Variants in LRBA observed in about 807,000 individuals in gnomAD.
LRBA encodes the protein LPS responsive beige-like anchor protein.
A neutral mutation model predicts 330.0 loss-of-function variants in LRBA; 176 were observed. That is an observed-to-expected ratio of 0.53 (90% CI 0.47 to 0.60). The LOEUF is 0.60. LRBA is among the 20% of genes least tolerant of loss of function. The pLI is 0.00. For synonymous variants in LRBA, 1,230 were observed against 1,193.0 expected (o/e 1.03, Z -0.64); for missense variants, 3,259 against 3,444.8 (o/e 0.95, Z 1.35).
chr4:150,735,272 GT>G lies in LRBA; in HGVS notation c.5739del (p.Arg1913SerfsTer26). On this transcript the variant is annotated frameshift_variant, in exon 36 of 57. Transcript: ENST00000651943. LOFTEE classifies it high-confidence loss of function. Reference protein sequence around the residue: ...LSRQRAEDIHRHAEFESLCAQ... With the variant: ...LSRQRAEDIHXHAEFESLCAQ... ...GTGTAACCTACCTCAAATTCCGCAT[GT>G]CTGTGAATATCTTCTGCTCTCTGCC... 1.9e-6 allele frequency: 3 copies of G among 1,612,906 alleles called. No homozygotes were observed. Among genetic ancestry groups the G allele is most frequent in the Non-Finnish European group, 2.5e-6 (3 of 1,179,016 alleles).
chr4:150,855,458 C>T (rs1445488391), intron 22 of LRBA, among the ~76,000 whole-genome samples: 1 of 151,992 alleles, frequency 6.6e-6, no homozygotes, highest in Non-Finnish European at 1.5e-5. Flanking sequence ...TAATCATTTG[C>T]TTTGATTTTA....
intron 37 of LRBA, among the ~76,000 whole-genome samples, chr4:150,601,652 A>G (rs891299252): frequency 2.6e-5 from 4 of 152,118 alleles, no homozygotes; most frequent in African/African-American, 7.2e-5. Context: ...AACTATATAT[A>G]TATATGCAGA....
At chr4:150,626,674 T>C (rs1220494563) in intron 37 of LRBA, among the ~76,000 whole-genome samples, 1 of 152,114 alleles carries the variant, frequency 6.6e-6, no homozygotes, top group Non-Finnish European at 1.5e-5. Context: ...TAAATACATA[T>C]GTAAAGAAGT....
At chr4:150,598,184 C>T (rs143698107) in intron 38 of LRBA, among the ~76,000 whole-genome samples, 1 of 152,086 alleles carries the variant, frequency 6.6e-6, no homozygotes, top group African/African-American at 2.4e-5. Context: ...AAAAGTACTT[C>T]TGACTTTATT....
At chr4:150,291,014 G>C (rs535753263) in intron 53 of LRBA, among the ~76,000 whole-genome samples, 39 of 151,428 alleles carry the variant, frequency 2.6e-4, no homozygotes, top group African/African-American at 9.0e-4. Context: ...GTGCAGGTTA[G>C]TTACATATGT....
At chr4:150,773,993 T>C (rs1560798137) in intron 34 of LRBA, among the ~76,000 whole-genome samples, 1 of 152,202 alleles carries the variant, frequency 6.6e-6, no homozygotes, top group African/African-American at 2.4e-5. Context: ...CAGGTCCCTT[T>C]GAAGAAGAGT....
chr4:150,471,610 T>C lies in LRBA; in HGVS notation c.6667+14A>G. ...TTATTGTCTAAAATAAATCAATACA[T>C]GGAATTAGGTTACCTGCTATCGTGT... On this transcript the variant is annotated intron_variant, in intron 43 of 56. Transcript: ENST00000651943. 7.4e-7 allele frequency: 1 copy of C among 1,357,362 alleles called. No individual in the cohort carries two copies. Among genetic ancestry groups the C allele is most frequent in the Non-Finnish European group, 1.0e-6 (1 of 971,180 alleles). The allele number at this position is 1,357,362 out of a possible 1,614,324, so 84.1% of individuals were successfully genotyped here. A position where few individuals can be genotyped will look rare whatever the true frequency, so the allele number is the denominator to read the frequency against.
chr4:150,424,695 A>C (rs1749322184), intron 46 of LRBA, among the ~76,000 whole-genome samples: 1 of 152,240 alleles, frequency 6.6e-6, no homozygotes, highest in Admixed American at 6.5e-5. Flanking sequence ...CCTTATGTGC[A>C]CATCTTTGGG....
intron 40 of LRBA, among the ~76,000 whole-genome samples, chr4:150,585,995 A>C (rs1457881669): frequency 1.3e-5 from 2 of 152,140 alleles, no homozygotes; most frequent in Non-Finnish European, 2.9e-5. Flanking sequence ...ATCAGTTCTG[A>C]AATCATCTCC....
intron 47 of LRBA, among the ~76,000 whole-genome samples, chr4:150,357,588 A>T (rs1003338104): frequency 1.3e-5 from 2 of 151,978 alleles, no homozygotes; most frequent in Non-Finnish European, 2.9e-5. Flanking sequence ...TCTAAAATCT[A>T]GGAATTCACA....
At chr4:150,417,305 A>T (rs1242508153) in intron 46 of LRBA, among the ~76,000 whole-genome samples, 3 of 152,138 alleles carry the variant, frequency 2.0e-5, no homozygotes, top group African/African-American at 4.8e-5. Context: ...AAATCACTAT[A>T]TAATTTTCTA....
chr4:150,489,041 A>AAGAAT (rs1373558859), intron 41 of LRBA, among the ~76,000 whole-genome samples: 14 of 109,170 alleles, frequency 1.3e-4, no homozygotes, highest in African/African-American at 4.8e-4. Flanking sequence ...TATTATATAT[A>AAGAAT]ATATATTATA....
chr4:150,411,706 G>A (rs1468094356), intron 47 of LRBA, among the ~76,000 whole-genome samples: 1 of 152,158 alleles, frequency 6.6e-6, no homozygotes. Flanking sequence ...TGCCAACAGA[G>A]GGCTGAAAAC....
chr4:150,940,553 A>G (rs531885099), intron 2 of LRBA, among the ~76,000 whole-genome samples: 1 of 152,358 alleles, frequency 6.6e-6, no homozygotes, highest in South Asian at 2.1e-4. Flanking sequence ...TATACTTTAC[A>G]CATATCTTTT....
At chr4:150,744,016 A>G (rs948108463) in intron 35 of LRBA, among the ~76,000 whole-genome samples, 1 of 152,152 alleles carries the variant, frequency 6.6e-6, no homozygotes, top group African/African-American at 2.4e-5. Context: ...CTACTTTAGA[A>G]GTTAATGCAA....
intron 56 of LRBA, among the ~76,000 whole-genome samples, chr4:150,270,197 G>A (rs900600443): frequency 3.3e-5 from 5 of 152,156 alleles, no homozygotes; most frequent in African/African-American, 7.2e-5. Context: ...ATATAACCCA[G>A]CAATTCCACT....
Position 150,975,167 on chromosome 4 carries a change from G to T in LRBA, c.216+39260C>A, listed in dbSNP as rs1166615938. On this transcript the variant is annotated intron_variant, in intron 2 of 56. Coordinates refer to ENST00000651943, the MANE Select transcript of LRBA (RefSeq NM_001364905.1). ...AAAAACAAATCTCTACTAATCAGAT[G>T]TTGGAATTACCATGGAAAGAGTTTA... 2.6e-5 allele frequency among the ~76,000 whole-genome samples: 4 copies of T among 152,186 alleles called. No homozygotes were observed. The East Asian group carries it at 7.7e-4, about 29-fold the overall frequency.
At chr4:150,454,971 TATTTTTTA>T (rs1334100014) in intron 44 of LRBA, among the ~76,000 whole-genome samples, 3 of 125,840 alleles carry the variant, frequency 2.4e-5, no homozygotes, top group Middle Eastern at 4.1e-3. Flanking sequence ...AGTTTTATTT[TATTTTTTA>T]TTTTTTTTAT....
At chr4:150,597,433 A>G (rs1773628262) in intron 38 of LRBA, among the ~76,000 whole-genome samples, 1 of 152,036 alleles carries the variant, frequency 6.6e-6, no homozygotes, top group South Asian at 2.1e-4. Flanking sequence ...AAATTGAATT[A>G]TTGATATCTA....
Sources: allele counts gnomAD v4.1 joint callset (sites outside exome capture counted in the v4.1 genomes callset), GRCh38; gene constraint gnomAD v4.1.1; transcripts MANE v1.5; gene names NCBI Gene and HGNC (gene_info 2026-07-23, HGNC 2026-07-21).